The following TLK2 variants were observed in gnomAD, a reference collection of about 807,000 sequenced individuals.
The protein encoded by TLK2 is tousled like kinase 2, also known as serine/threonine-protein kinase tousled-like 2.
TLK2 carries 6 observed loss-of-function variants against 117.3 expected under a neutral mutation model. That is an observed-to-expected ratio of 0.05 (90% confidence interval 0.03 to 0.10). The LOEUF is 0.10. Among genes scored for constraint, TLK2 ranks in the 10% least tolerant of loss-of-function variants. The pLI is 1.00. For synonymous variants in TLK2, 257 were observed against 316.7 expected (o/e 0.81, Z 2.00); for missense variants, 299 against 901.2 (o/e 0.33, Z 8.56).
intron 7 of TLK2, among the ~76,000 whole-genome samples, chr17:62,548,644 A>C (rs2078146268): frequency 6.6e-6 from 1 of 152,098 alleles, no homozygotes; most frequent in Non-Finnish European, 1.5e-5. Flanking sequence ...AGTTTGCTGG[A>C]AGAAAACTTA....
chr17:62,516,215 G>A (rs1410016562), intron 2 of TLK2: 20 of 688,540 alleles, frequency 2.9e-5, no homozygotes, highest in Non-Finnish European at 3.3e-5. Flanking sequence ...ATGAGTCACC[G>A]CGCCCGGCTC....
At chr17:62,502,374 G>C (rs1475102884) in intron 2 of TLK2, among the ~76,000 whole-genome samples, 1 of 152,062 alleles carries the variant, frequency 6.6e-6, no homozygotes, top group African/African-American at 2.4e-5. Context: ...CAGCTCACTA[G>C]GAATAGAAGG....
intron 11 of TLK2, among the ~76,000 whole-genome samples, chr17:62,568,210 T>A (rs1003391606): frequency 6.6e-6 from 1 of 152,010 alleles, no homozygotes; most frequent in Non-Finnish European, 1.5e-5. Flanking sequence ...GATGGGCAGA[T>A]CACTTGAGGC....
intron 18 of TLK2, among the ~76,000 whole-genome samples, chr17:62,601,462 G>A (rs978867497): frequency 6.6e-6 from 1 of 152,176 alleles, no homozygotes; most frequent in Non-Finnish European, 1.5e-5. Context: ...CTTCTGGTAG[G>A]TGCATATTGC....
intron 6 of TLK2, among the ~76,000 whole-genome samples, chr17:62,531,994 C>G (rs1452028328): frequency 6.6e-6 from 1 of 152,140 alleles, no homozygotes; most frequent in Non-Finnish European, 1.5e-5. Context: ...GGGCTTTGGT[C>G]TGTGACTATC....
At chr17:62,498,203 C>T (rs533206651) in intron 2 of TLK2, among the ~76,000 whole-genome samples, 90 of 152,164 alleles carry the variant, frequency 5.9e-4, no homozygotes, top group African/African-American at 1.9e-3. Context: ...TTTCATTCAC[C>T]GTAACAGATT....
intron 2 of TLK2, among the ~76,000 whole-genome samples, chr17:62,520,104 C>T (rs1234647671): frequency 6.6e-6 from 1 of 152,298 alleles, no homozygotes; most frequent in East Asian, 1.9e-4. Context: ...GTGAATGCTA[C>T]CCCAGCTCTA....
rs71155938 is a variant in TLK2, at chr17:62,546,344, G to GTTTTGT, written c.532-5954_532-5953insGTTTTT. ...GTTCCCTATTTTGAGTTTGTTGATT[G>GTTTTGT]TTTTTTTTTTTTTTTTACATAATGA... On this transcript the variant is annotated intron_variant, in intron 7 of 21. Transcript: ENST00000346027. 2.1e-4 allele frequency among the ~76,000 whole-genome samples: 5 copies of GTTTTGT among 23,346 alleles called. 1 individual carries two copies. The highest frequency in any genetic ancestry group is 5.1e-4 in the African/African-American group (5 of 9,872). 15.3% of individuals were successfully genotyped at this position (23,346 alleles called of 152,430 possible).
chr17:62,580,237 G>A lies in TLK2; in HGVS notation c.1368+45G>A, dbSNP rs371577240. 1.5e-5 allele frequency: 22 copies of A among 1,429,618 alleles called. No individual in the cohort carries two copies. In the South Asian group the frequency reaches 1.7e-4, roughly 11 times the overall value. 88.6% of individuals were successfully genotyped at this position (1,429,618 alleles called of 1,614,324 possible). ...TACAAAGACTGGGGGTTAAATTATC[G>A]GCTCCTACCAACTTGGAGAACATTA... On this transcript the variant is annotated intron_variant, in intron 15 of 21. Coordinates refer to ENST00000346027, the MANE Select transcript of TLK2 (RefSeq NM_006852.6).
At chr17:62,492,804 T>C (rs1458530856) in intron 2 of TLK2, among the ~76,000 whole-genome samples, 3 of 151,874 alleles carry the variant, frequency 2.0e-5, no homozygotes. Flanking sequence ...GCCCATTAAA[T>C]AATAACTCCC....
At chr17:62,497,320 A>G (rs1227922602) in intron 2 of TLK2, among the ~76,000 whole-genome samples, 10 of 152,178 alleles carry the variant, frequency 6.6e-5, no homozygotes, top group Non-Finnish European at 1.2e-4. Flanking sequence ...CCACTGACTT[A>G]TAGTTAGTTG....
chr17:62,482,491 C>A (rs1567761622), intron 2 of TLK2, among the ~76,000 whole-genome samples: 1 of 151,226 alleles, frequency 6.6e-6, no homozygotes, highest in Non-Finnish European at 1.5e-5. Flanking sequence ...GCTCTGTCAC[C>A]CAGGCTGGAG....
chr17:62,532,809 T>C (rs35635014), intron 6 of TLK2, among the ~76,000 whole-genome samples: 9 of 152,212 alleles, frequency 5.9e-5, no homozygotes, highest in Non-Finnish European at 7.3e-5. Flanking sequence ...TACATACTTA[T>C]TAACTTACGC....
intron 7 of TLK2, among the ~76,000 whole-genome samples, chr17:62,551,330 A>G (rs1223173951): frequency 6.6e-5 from 10 of 152,246 alleles, no homozygotes; most frequent in Non-Finnish European, 4.4e-5. Flanking sequence ...TTACCATTCC[A>G]TGATTCTCAG....
chr17:62,491,864 G>T (rs1397578864), intron 2 of TLK2, among the ~76,000 whole-genome samples: 3 of 152,198 alleles, frequency 2.0e-5, no homozygotes, highest in African/African-American at 7.2e-5. Context: ...GATTACAGGC[G>T]TGAGCCCTCA....
At chr17:62,554,471 A>G (rs191004098) in intron 9 of TLK2, among the ~76,000 whole-genome samples, 1 of 152,296 alleles carries the variant, frequency 6.6e-6, no homozygotes, top group East Asian at 1.9e-4. Flanking sequence ...TAGTCTAGCT[A>G]CTTGGGAGGC....
At chr17:62,495,601 A>T (rs2073571034) in intron 2 of TLK2, among the ~76,000 whole-genome samples, 1 of 147,796 alleles carries the variant, frequency 6.8e-6, no homozygotes, top group African/African-American at 2.5e-5. Flanking sequence ...TTAAATAATT[A>T]ATCTTGATTA....
chr17:62,490,171 T>G (rs2072954330), intron 2 of TLK2, among the ~76,000 whole-genome samples: 1 of 152,254 alleles, frequency 6.6e-6, no homozygotes, highest in African/African-American at 2.4e-5. Context: ...CATATATTGC[T>G]TCTGTCTTAT....
intron 2 of TLK2, among the ~76,000 whole-genome samples, chr17:62,502,587 A>G (rs193285878): frequency 6.6e-6 from 1 of 152,326 alleles, no homozygotes; most frequent in East Asian, 1.9e-4. Flanking sequence ...TTACAAAGTA[A>G]AAGTAAAACT....
Sources: allele counts gnomAD v4.1 joint callset (sites outside exome capture counted in the v4.1 genomes callset), GRCh38; gene constraint gnomAD v4.1.1; transcripts MANE v1.5; gene names NCBI Gene and HGNC (gene_info 2026-07-23, HGNC 2026-07-21).